The following ATRNL1 variants were observed in gnomAD, a reference collection of about 807,000 sequenced individuals.
ATRNL1 encodes attractin like 1.
Under a neutral mutation model 182.7 loss-of-function variants are expected in ATRNL1, and 95 were observed. That is an observed-to-expected ratio of 0.52 (90% CI 0.44 to 0.62). The LOEUF (loss-of-function observed/expected upper bound fraction) is 0.62. Among genes scored for constraint, ATRNL1 ranks in the 20% least tolerant of loss-of-function variants. The pLI, the probability that ATRNL1 is intolerant of heterozygous loss-of-function variation, is 0.00. For synonymous variants in ATRNL1, 576 were observed against 568.3 expected (o/e 1.01, Z -0.19); for missense variants, 1,471 against 1,679.5 (o/e 0.88, Z 2.17).
At chr10:115,768,785 A>C (rs1555075642) in intron 27 of ATRNL1, among the ~76,000 whole-genome samples, 1 of 152,142 alleles carries the variant, frequency 6.6e-6, no homozygotes, top group African/African-American at 2.4e-5. Context: ...AATTAAAGGA[A>C]TATAATACTA....
intron 16 of ATRNL1, 57 bp downstream of exon 16, chr10:115,300,304 C>A (rs1425974147): frequency 5.7e-6 from 8 of 1,406,342 alleles, no homozygotes; most frequent in Non-Finnish European, 7.9e-6. Context: ...CCCATCTTCT[C>A]ATTCCTTCCT....
Position 115,657,317 on chromosome 10 carries a change from A to C in ATRNL1, c.3796-69931A>C, listed in dbSNP as rs370680938. Among the ~76,000 whole-genome samples, 39 of 152,298 alleles carry C rather than the reference A, an allele frequency of 2.6e-4. 1 individual carries two copies. In the South Asian group the frequency reaches 7.9e-3, roughly 31 times the overall value. ...CAGAAATAGATGGCTACAGATGCTGACAAATAGATGCTTGTTGTTTTGGTG... is the reference window on the plus strand; with the variant it reads ...CAGAAATAGATGGCTACAGATGCTGCCAAATAGATGCTTGTTGTTTTGGTG... On this transcript the variant is annotated intron_variant, in intron 26 of 28. Transcript: ENST00000355044.
chr10:115,590,647 G>A (rs895624757), intron 26 of ATRNL1, among the ~76,000 whole-genome samples: 54 of 151,956 alleles, frequency 3.6e-4, no homozygotes, highest in Admixed American at 2.9e-3. Context: ...CCTCCTCCAG[G>A]AAGAAACTCA....
At chr10:115,144,191 A>T (rs1200600628) in intron 5 of ATRNL1, among the ~76,000 whole-genome samples, 3 of 150,860 alleles carry the variant, frequency 2.0e-5, no homozygotes, top group Admixed American at 2.0e-4. Context: ...GCTGTCGCCC[A>T]GGCTGGAGTG....
chr10:115,407,401 C>T (rs1844882826), intron 20 of ATRNL1, among the ~76,000 whole-genome samples: 1 of 152,088 alleles, frequency 6.6e-6, no homozygotes, highest in Non-Finnish European at 1.5e-5. Flanking sequence ...CCTTCCCAGC[C>T]ACTAGTACCT....
intron 27 of ATRNL1, among the ~76,000 whole-genome samples, chr10:115,775,459 T>C (rs530026087): frequency 6.6e-6 from 1 of 152,314 alleles, no homozygotes; most frequent in South Asian, 2.1e-4. Context: ...CTGAATTGAA[T>C]CTGTATAAGA....
chr10:115,401,871 C>A (rs150356743), intron 20 of ATRNL1, among the ~76,000 whole-genome samples: 42 of 152,204 alleles, frequency 2.8e-4, no homozygotes, highest in African/African-American at 9.1e-4. Flanking sequence ...TATATTATAG[C>A]ACTATGAAAT....
intron 27 of ATRNL1, among the ~76,000 whole-genome samples, chr10:115,819,334 T>G (rs1194459511): frequency 6.6e-6 from 1 of 152,178 alleles, no homozygotes; most frequent in Non-Finnish European, 1.5e-5. Flanking sequence ...ACTTGATTTC[T>G]TGGTTAATTG....
intron 10 of ATRNL1, among the ~76,000 whole-genome samples, chr10:115,259,336 C>A (rs1172315107): frequency 2.0e-5 from 3 of 152,132 alleles, no homozygotes; most frequent in African/African-American, 7.2e-5. Context: ...GCGGATGCAC[C>A]CCCCAGCCAG....
chr10:115,781,757 T>G (rs1949271335), intron 27 of ATRNL1, among the ~76,000 whole-genome samples: 1 of 152,210 alleles, frequency 6.6e-6, no homozygotes, highest in African/African-American at 2.4e-5. Context: ...ATAGGCCTGT[T>G]CCCTTCATAA....
At chr10:115,668,389 A>G (rs1400141211) in intron 26 of ATRNL1, among the ~76,000 whole-genome samples, 1 of 152,164 alleles carries the variant, frequency 6.6e-6, no homozygotes, top group Non-Finnish European at 1.5e-5. Context: ...GAAATTGTTC[A>G]CAATATTCTA....
intron 27 of ATRNL1, among the ~76,000 whole-genome samples, chr10:115,814,028 C>T (rs994833892): frequency 1.3e-5 from 2 of 152,034 alleles, no homozygotes; most frequent in Non-Finnish European, 2.9e-5. Context: ...TGCTAAGAAT[C>T]TACCATTGTG....
intron 15 of ATRNL1, among the ~76,000 whole-genome samples, chr10:115,293,535 T>G (rs533931603): frequency 6.6e-6 from 1 of 152,300 alleles, no homozygotes; most frequent in Admixed American, 6.5e-5. Flanking sequence ...TCTTTCTCCT[T>G]AGTGTGTTGG....
intron 26 of ATRNL1, among the ~76,000 whole-genome samples, chr10:115,573,818 T>C (rs2133868210): frequency 6.6e-6 from 1 of 152,310 alleles, no homozygotes; most frequent in East Asian, 1.9e-4. Context: ...TAGGATGTTA[T>C]TAAAAGTCAG....
At position 115,780,968 on chromosome 10, in the gene ATRNL1, C is replaced by G. The variant is rs150484022; in HGVS notation, c.3903+53613C>G. 2.6e-3 allele frequency among the ~76,000 whole-genome samples: 390 copies of G among 152,214 alleles called. 4 individuals carry two copies. In the East Asian group the frequency reaches 0.035, roughly 14 times the overall value. ...AGAAGAAGGAATATATATGGAAGTT[C>G]TCATATACATCTATATATGTGAACT... On this transcript the variant is annotated intron_variant, in intron 27 of 28. Transcript: ENST00000355044.
intron 20 of ATRNL1, among the ~76,000 whole-genome samples, chr10:115,408,884 T>C (rs1388510293): frequency 6.6e-6 from 1 of 152,192 alleles, no homozygotes; most frequent in East Asian, 1.9e-4. Flanking sequence ...CAGTTGGCTG[T>C]AGATATGTAA....
At chr10:115,604,604 C>T (rs1257742560) in intron 26 of ATRNL1, among the ~76,000 whole-genome samples, 1 of 152,190 alleles carries the variant, frequency 6.6e-6, no homozygotes, top group African/African-American at 2.4e-5. Context: ...AACTCAGCCT[C>T]TCCACACTTA....
chr10:115,117,396 T>A (rs1264775), intron 1 of ATRNL1, among the ~76,000 whole-genome samples: 97,441 of 151,810 alleles, frequency 0.64, 32,005 homozygotes, highest in Middle Eastern at 0.74. Flanking sequence ...CCTACTCTCT[T>A]TCTCCATGGG....
At chr10:115,837,507 C>T (rs989329351) in intron 27 of ATRNL1, among the ~76,000 whole-genome samples, 6 of 130,712 alleles carry the variant, frequency 4.6e-5, no homozygotes, top group African/African-American at 2.2e-4. Flanking sequence ...CACACACACA[C>T]ACACACACAC....
Sources: allele counts gnomAD v4.1 joint callset (sites outside exome capture counted in the v4.1 genomes callset), GRCh38; gene constraint gnomAD v4.1.1; transcripts MANE v1.5; gene names NCBI Gene and HGNC (gene_info 2026-07-23, HGNC 2026-07-21).